The following LMBRD1 variants were observed in gnomAD, a reference collection of about 807,000 sequenced individuals.
LMBRD1 encodes the protein LMBR1 domain containing 1.
Under a neutral mutation model 74.8 loss-of-function variants are expected in LMBRD1, and 64 were observed. The observed-to-expected ratio is 0.86, with a 90% CI of 0.70 to 1.05. The LOEUF is 1.05. Ranked by LOEUF, LMBRD1 falls within the 50% of genes least tolerant of loss-of-function variation. LMBRD1 has a pLI of 0.00. For missense variants in LMBRD1, 652 were observed against 645.9 expected (o/e 1.01, Z -0.10); for synonymous variants, 204 against 216.3 (o/e 0.94, Z 0.50).
At chr6:69,683,095 C>T (rs748066454) in intron 14 of LMBRD1, among the ~76,000 whole-genome samples, 7 of 151,914 alleles carry the variant, frequency 4.6e-5, no homozygotes, top group Non-Finnish European at 1.0e-4. Flanking sequence ...TCAACACAAC[C>T]GCAATGTCAC....
chr6:69,713,866 A>G, intron 8 of LMBRD1, 69 bp from the exon 9 acceptor site: 1 of 1,569,076 alleles, frequency 6.4e-7, no homozygotes, highest in South Asian at 1.1e-5. Context: ...CAGATTTAGC[A>G]GATCAGGCAA....
chr6:69,689,842 C>T (rs1219202910), intron 14 of LMBRD1, among the ~76,000 whole-genome samples: 1 of 152,100 alleles, frequency 6.6e-6, no homozygotes, highest in African/African-American at 2.4e-5. Context: ...TGGTACTCTG[C>T]AATGATATGC....
At chr6:69,772,868 A>G (rs1318807161) in intron 3 of LMBRD1, among the ~76,000 whole-genome samples, 1 of 152,206 alleles carries the variant, frequency 6.6e-6, no homozygotes, top group African/African-American at 2.4e-5. Context: ...ACTTTCCTAT[A>G]TCATTGCACT....
At chr6:69,794,936 T>C (rs2149899859) in intron 1 of LMBRD1, among the ~76,000 whole-genome samples, 1 of 152,310 alleles carries the variant, frequency 6.6e-6, no homozygotes, top group East Asian at 1.9e-4. Context: ...AAATGCTCAT[T>C]GATAGGGTTT....
intron 9 of LMBRD1, chr6:69,706,231 C>T: frequency 5.2e-6 from 2 of 384,052 alleles, no homozygotes; most frequent in Non-Finnish European, 9.9e-6. Flanking sequence ...AAGAGAACAG[C>T]CGCACAGGAC....
At chr6:69,703,552 T>G (rs1006910522) in intron 9 of LMBRD1, among the ~76,000 whole-genome samples, 7 of 151,116 alleles carry the variant, frequency 4.6e-5, no homozygotes, top group African/African-American at 1.7e-4. Context: ...GCTTAATCAG[T>G]GACTTAACAG....
At chr6:69,731,530 A>T (rs1042173868) in intron 7 of LMBRD1, among the ~76,000 whole-genome samples, 2 of 152,104 alleles carry the variant, frequency 1.3e-5, no homozygotes, top group Non-Finnish European at 1.5e-5. Context: ...ATGGTATGAG[A>T]CCATTCTTTT....
intron 3 of LMBRD1, among the ~76,000 whole-genome samples, chr6:69,778,499 A>G (rs1765753256): frequency 6.6e-6 from 1 of 152,208 alleles, no homozygotes; most frequent in Admixed American, 6.5e-5. Flanking sequence ...ACTTAATTAC[A>G]AAGGATTAGT....
intron 9 of LMBRD1, among the ~76,000 whole-genome samples, chr6:69,703,771 A>G (rs1407419435): frequency 2.6e-5 from 4 of 152,106 alleles, no homozygotes; most frequent in Non-Finnish European, 4.4e-5. Flanking sequence ...TAAAAATGGA[A>G]TAAGACATAT....
intron 2 of LMBRD1, among the ~76,000 whole-genome samples, chr6:69,781,426 A>T (rs535375652): frequency 4.9e-4 from 74 of 152,334 alleles, no homozygotes; most frequent in African/African-American, 1.7e-3. Flanking sequence ...ATAAACACTT[A>T]AAGAGCTCAA....
rs2149846787 is a variant in LMBRD1, at chr6:69,704,357, AC to A, written c.916-2405del. Among the ~76,000 whole-genome samples, 2 of 152,168 alleles carry A rather than the reference AC, an allele frequency of 1.3e-5. 1 individual carries two copies. Among genetic ancestry groups the A allele is most frequent in the Admixed American group, 1.3e-4 (2 of 15,250 alleles). ...TTCTATATTTATTTGTTGGAATTCT[AC>A]TGTAGGGAAGAGGTTTCCCTTCCCC... is the stretch of plus-strand genomic sequence containing the variant. On this transcript the variant is annotated intron_variant, in intron 9 of 15. Coordinates refer to ENST00000649934, the MANE Select transcript of LMBRD1 (RefSeq NM_018368.4).
chr6:69,760,494 A>C lies in LMBRD1; in HGVS notation c.308-8138T>G, dbSNP rs140390238. 6.8e-3 allele frequency among the ~76,000 whole-genome samples: 1,029 copies of C among 152,288 alleles called. 40 individuals carry two copies. The highest frequency in any genetic ancestry group is 0.061 in the Admixed American group (939 of 15,286). ...CAGGAGACTTCAAAATGACCACCTC[A>C]AACTTCACACTTAATATGATCAATA... is the stretch of plus-strand genomic sequence containing the variant. On this transcript the variant is annotated intron_variant, in intron 3 of 15. Coordinates refer to ENST00000649934, the MANE Select transcript of LMBRD1 (RefSeq NM_018368.4).
chr6:69,781,109 A>G (rs28459063), intron 2 of LMBRD1, among the ~76,000 whole-genome samples: 2,464 of 152,330 alleles, frequency 0.016, 53 homozygotes, highest in African/African-American at 0.055. Flanking sequence ...AGTACTTCAG[A>G]AAGAACATAT....
chr6:69,729,797 C>T (rs576739447), intron 7 of LMBRD1, among the ~76,000 whole-genome samples: 4 of 152,034 alleles, frequency 2.6e-5, no homozygotes, highest in Admixed American at 2.0e-4. Flanking sequence ...GTTTGGTTAC[C>T]AAGCTTTTAG....
At chr6:69,780,121 T>A (rs1191227043) in intron 3 of LMBRD1, among the ~76,000 whole-genome samples, 1 of 148,882 alleles carries the variant, frequency 6.7e-6, no homozygotes, top group African/African-American at 2.5e-5. Flanking sequence ...AGGGTCCTTT[T>A]TTTTTTTTTT....
intron 3 of LMBRD1, among the ~76,000 whole-genome samples, chr6:69,762,856 G>C (rs1765401327): frequency 6.6e-6 from 1 of 152,134 alleles, no homozygotes; most frequent in South Asian, 2.1e-4. Context: ...CAGGACTGAA[G>C]TTGTTGAGAC....
intron 11 of LMBRD1, among the ~76,000 whole-genome samples, chr6:69,701,135 T>G (rs1359978282): frequency 6.6e-6 from 1 of 151,792 alleles, no homozygotes; most frequent in Non-Finnish European, 1.5e-5. Flanking sequence ...GATAAAAGAC[T>G]TGATTAAATA....
chr6:69,735,122 T>A (rs1766946805), intron 7 of LMBRD1, among the ~76,000 whole-genome samples: 1 of 152,194 alleles, frequency 6.6e-6, no homozygotes, highest in Non-Finnish European at 1.5e-5. Context: ...ATTTGCTCAT[T>A]CATTTTCCAA....
chr6:69,733,104 C>A (rs1352390184), intron 7 of LMBRD1, among the ~76,000 whole-genome samples: 1 of 152,000 alleles, frequency 6.6e-6, no homozygotes, highest in Non-Finnish European at 1.5e-5. Flanking sequence ...GAAATTCACA[C>A]TTGACTGACA....
Sources: gnomAD v4.1 joint callset for allele counts (sites outside exome capture counted in the v4.1 genomes callset) on GRCh38, gnomAD v4.1.1 for gene constraint, MANE v1.5 for transcripts, NCBI Gene and HGNC (gene_info 2026-07-23, HGNC 2026-07-21) for gene names.